The following PTPRK variants were observed in gnomAD, a reference collection of about 807,000 sequenced individuals.
PTPRK encodes the protein protein tyrosine phosphatase receptor type K.
In PTPRK, 75 loss-of-function variants were observed where a neutral mutation model predicts 178.0. The ratio of observed to expected loss-of-function variants is 0.42; its 90% CI spans 0.35 to 0.51. The LOEUF (loss-of-function observed/expected upper bound fraction) is 0.51, where lower values mean the gene tolerates loss of function less well. Among genes scored for constraint, PTPRK ranks in the 20% least tolerant of loss-of-function variants. PTPRK has a pLI of 0.02. For synonymous variants in PTPRK, 637 were observed against 620.6 expected, an observed-to-expected ratio of 1.03 and a Z score of -0.39; for missense variants, 1,441 against 1,797.8, an observed-to-expected ratio of 0.80 and a Z score of 3.59.
At chr6:128,462,796 CA>C (rs1179652229) in intron 1 of PTPRK, among the ~76,000 whole-genome samples, 1 of 151,900 alleles carries the variant, frequency 6.6e-6, no homozygotes, top group Non-Finnish European at 1.5e-5. Context: ...GCTGGGATTA[CA>C]GGCACCTGCC....
intron 1 of PTPRK, among the ~76,000 whole-genome samples, chr6:128,423,542 A>G (rs1309047864): frequency 6.7e-6 from 1 of 149,304 alleles, no homozygotes; most frequent in Non-Finnish European, 1.5e-5. Flanking sequence ...CAAAAGTAAC[A>G]TAGATTGGCC....
intron 7 of PTPRK, among the ~76,000 whole-genome samples, chr6:128,143,354 T>C (rs1325308249): frequency 6.6e-6 from 1 of 152,180 alleles, no homozygotes; most frequent in Non-Finnish European, 1.5e-5. Flanking sequence ...TGAAAACCTT[T>C]GTAATTATCC....
chr6:128,296,817 T>C (rs1164249436), intron 3 of PTPRK, among the ~76,000 whole-genome samples: 2 of 152,266 alleles, frequency 1.3e-5, no homozygotes, highest in Non-Finnish European at 2.9e-5. Flanking sequence ...CTATATCAAC[T>C]AACGAGCAAA....
intron 7 of PTPRK, among the ~76,000 whole-genome samples, chr6:128,163,969 C>G (rs1449897269): frequency 6.6e-6 from 1 of 151,286 alleles, no homozygotes; most frequent in Non-Finnish European, 1.5e-5. Context: ...CTCCTATGGC[C>G]TAAATACAAT....
intron 1 of PTPRK, among the ~76,000 whole-genome samples, chr6:128,513,646 G>A (rs11751628): frequency 0.11 from 16,631 of 152,174 alleles, 1,021 homozygotes; most frequent in Non-Finnish European, 0.14. Context: ...TTTAAACTGA[G>A]CTTTCTTTGT....
chr6:128,102,063 G>C (rs1426185438), intron 7 of PTPRK, among the ~76,000 whole-genome samples: 1 of 152,170 alleles, frequency 6.6e-6, no homozygotes, highest in East Asian at 1.9e-4. Context: ...CCTCTCTAGA[G>C]ATAAATGGTT....
At chr6:128,003,019 T>C (rs1285473424) in intron 15 of PTPRK, among the ~76,000 whole-genome samples, 2 of 151,890 alleles carry the variant, frequency 1.3e-5, no homozygotes, top group East Asian at 1.9e-4. Context: ...CCTTGCTAAT[T>C]TGAAATCCAC....
intron 5 of PTPRK, among the ~76,000 whole-genome samples, chr6:128,221,671 C>T (rs866273654): frequency 6.6e-6 from 1 of 151,800 alleles, no homozygotes; most frequent in African/African-American, 2.4e-5. Flanking sequence ...TACAAAAATA[C>T]CTAAGGACAT....
At chr6:128,146,234 T>C (rs1048967939) in intron 7 of PTPRK, among the ~76,000 whole-genome samples, 1 of 152,156 alleles carries the variant, frequency 6.6e-6, no homozygotes, top group African/African-American at 2.4e-5. Flanking sequence ...GGAATATTTT[T>C]TGGGGTAATA....
Position 128,484,761 on chromosome 6 carries a change from T to C in PTPRK, c.100+35498A>G, listed in dbSNP as rs373899445. ...GAGGCAATGGAAAATTGCACCAATT[T>C]ATATTTTTTCTGCTAATAGTGTCCT... On this transcript the variant is annotated intron_variant, in intron 1 of 29. Transcript: ENST00000368226. Among the ~76,000 whole-genome samples, 86 of 152,338 alleles carry C rather than the reference T, an allele frequency of 5.6e-4. 1 individual carries two copies. The South Asian group carries it at 0.018, about 31-fold the overall frequency.
At chr6:128,052,499 T>C (rs925945263) in intron 13 of PTPRK, among the ~76,000 whole-genome samples, 3 of 152,242 alleles carry the variant, frequency 2.0e-5, no homozygotes, top group Non-Finnish European at 2.9e-5. Flanking sequence ...AGCTCAGTTA[T>C]GTTGTAGAAT....
chr6:128,202,840 T>G (rs1225394060), intron 6 of PTPRK, among the ~76,000 whole-genome samples: 1 of 152,166 alleles, frequency 6.6e-6, no homozygotes, highest in Non-Finnish European at 1.5e-5. Context: ...GAAGAGCTGG[T>G]ACCATTTCTA....
At chr6:128,190,739 T>C (rs1803651512) in intron 6 of PTPRK, among the ~76,000 whole-genome samples, 1 of 152,114 alleles carries the variant, frequency 6.6e-6, no homozygotes, top group African/African-American at 2.4e-5. Flanking sequence ...CCGCAGGTGA[T>C]CTGCCCACCT....
chr6:128,214,075 C>A (rs2128268112), intron 6 of PTPRK, among the ~76,000 whole-genome samples: 1 of 152,210 alleles, frequency 6.6e-6, no homozygotes, highest in Middle Eastern at 3.4e-3. Flanking sequence ...GAGAAAAGTA[C>A]TGAATTTCTT....
intron 7 of PTPRK, among the ~76,000 whole-genome samples, chr6:128,172,640 A>T (rs1253438753): frequency 2.7e-5 from 4 of 150,842 alleles, no homozygotes; most frequent in Non-Finnish European, 5.9e-5. Context: ...GTGTGTATAT[A>T]TATAATGTGT....
At chr6:128,088,362 G>A (rs1194736633) in intron 8 of PTPRK, among the ~76,000 whole-genome samples, 1 of 149,538 alleles carries the variant, frequency 6.7e-6, no homozygotes, top group Non-Finnish European at 1.5e-5. Context: ...GTATGACAGA[G>A]TAAGACTGTT....
At position 127,973,783 on chromosome 6, in the gene PTPRK, T is replaced by A; in HGVS notation, c.4014A>T (p.Gly1338=). 1 of 1,614,036 alleles carries A rather than the reference T, an allele frequency of 6.2e-7. No individual in the cohort carries two copies. The highest frequency in any genetic ancestry group is 1.1e-5 in the South Asian group (1 of 91,070). ...YLMVQQFQYL[G]WASHREVPGS... is the part of the protein sequence containing the mutation. ...CAGGCACTTCTCGATGAGAAGCCCA[T>A]CCTAGGTACTGAAACTGTTGCACCA... Residue 1338 remains glycine, a synonymous_variant, in exon 28 of 30, where the codon GGA becomes GGT. Coordinates refer to ENST00000368226, the MANE Select transcript of PTPRK (RefSeq NM_002844.4).
At chr6:128,214,348 C>T (rs1056397914) in intron 6 of PTPRK, among the ~76,000 whole-genome samples, 3 of 152,082 alleles carry the variant, frequency 2.0e-5, no homozygotes, top group African/African-American at 4.8e-5. Context: ...ACACCCTTCT[C>T]CAATAGTACC....
chr6:128,355,259 G>A (rs1234929189), intron 2 of PTPRK, among the ~76,000 whole-genome samples: 1 of 152,132 alleles, frequency 6.6e-6, no homozygotes, highest in Admixed American at 6.6e-5. Context: ...TGAGAATAAA[G>A]GGTAAAGCTG....
Sources: gnomAD v4.1 joint callset for allele counts (sites outside exome capture counted in the v4.1 genomes callset) on GRCh38, gnomAD v4.1.1 for gene constraint, MANE v1.5 for transcripts, NCBI Gene and HGNC (gene_info 2026-07-23, HGNC 2026-07-21) for gene names.